The following IFT43 variants were observed in gnomAD, a reference collection of about 807,000 sequenced individuals.
IFT43 encodes the protein intraflagellar transport protein 43 homolog.
IFT43 carries 33 observed loss-of-function variants against 32.3 expected under a neutral mutation model. The observed-to-expected ratio is 1.02, with a 90% CI of 0.77 to 1.37. The LOEUF is 1.37. Ranked by LOEUF, IFT43 falls within the 40% of genes most tolerant of loss-of-function variation. The probability of loss-of-function intolerance (pLI) is 0.00; values close to 1 mark genes in which losing one functional copy is unlikely to be tolerated. For synonymous variants in IFT43, 93 were observed against 98.2 expected, an observed-to-expected ratio of 0.95 and a Z score of 0.31; for missense variants, 274 against 265.9, an observed-to-expected ratio of 1.03 and a Z score of -0.21.
chr14:75,985,804 C>T lies in IFT43; in HGVS notation c.18C>T (p.Asp6=). 1 of 1,614,200 alleles carries T rather than the reference C, an allele frequency of 6.2e-7. No individual in the cohort carries two copies. Among genetic ancestry groups the T allele is most frequent in the Non-Finnish European group, 8.5e-7 (1 of 1,180,040 alleles). MEDLL[D]LDEELRYSLA... ...CCGCGGAGATGGAGGATTTGCTCGA[C>T]TTGGACGAGGAGCTTCGCTACAGCT... The change falls in exon 1 of 9, where the codon GAC becomes GAT. Residue 6 remains aspartate, a synonymous_variant. Coordinates refer to ENST00000314067, the MANE Select transcript of IFT43 (RefSeq NM_001102564.3).
chr14:75,999,389 A>C (rs1406205773), intron 2 of IFT43, among the ~76,000 whole-genome samples: 2 of 148,528 alleles, frequency 1.3e-5, no homozygotes, highest in Non-Finnish European at 3.0e-5. Flanking sequence ...CGGGCTCCCA[A>C]AGTGTTGGGA....
intron 3 of IFT43, chr14:76,022,597 C>T (rs559828354): frequency 3.1e-5 from 13 of 413,552 alleles, no homozygotes; most frequent in African/African-American, 2.3e-4. Flanking sequence ...AATTTTACAA[C>T]ATTTTCATCA....
chr14:76,033,741 G>T (rs1429794174), intron 3 of IFT43, among the ~76,000 whole-genome samples: 1 of 152,176 alleles, frequency 6.6e-6, no homozygotes, highest in Admixed American at 6.5e-5. Context: ...CAGAGTGGAA[G>T]ATATACTTCC....
intron 5 of IFT43, among the ~76,000 whole-genome samples, chr14:76,068,004 A>G (rs2037255961): frequency 6.6e-6 from 1 of 152,268 alleles, no homozygotes; most frequent in Non-Finnish European, 1.5e-5. Context: ...CTGAAGGAGC[A>G]CAGAACTTTG....
intron 2 of IFT43, among the ~76,000 whole-genome samples, chr14:76,001,858 C>T (rs1049035564): frequency 6.6e-6 from 1 of 152,158 alleles, no homozygotes; most frequent in Admixed American, 6.5e-5. Context: ...CAAAAGGGGA[C>T]TGAACTTATC....
In IFT43 at chr14:76,033,932, C is replaced by T. The variant is rs149164312; in HGVS notation, c.215+11538C>T. Reference sequence around the variant, plus strand: ...ATTATGGTCAGGGAGTGTCTTATAGCGGAGATAGGAGTCAAGCTGGATGAA... The same window carrying T: ...ATTATGGTCAGGGAGTGTCTTATAGTGGAGATAGGAGTCAAGCTGGATGAA... On this transcript the variant is annotated intron_variant, in intron 3 of 8. Transcript: ENST00000314067. Among the ~76,000 whole-genome samples, 5 of 152,210 alleles carry T rather than the reference C, an allele frequency of 3.3e-5. No individual in the cohort carries two copies. The East Asian group carries it at 7.7e-4, about 23-fold the overall frequency.
intron 2 of IFT43, among the ~76,000 whole-genome samples, chr14:75,991,780 T>C (rs2035648809): frequency 6.6e-6 from 1 of 152,160 alleles, no homozygotes; most frequent in Non-Finnish European, 1.5e-5. Flanking sequence ...GTCATTCTGC[T>C]CTTCACCCAA....
chr14:76,044,449 C>T (rs1184801189), intron 3 of IFT43, among the ~76,000 whole-genome samples: 5 of 152,202 alleles, frequency 3.3e-5, no homozygotes, highest in Non-Finnish European at 7.3e-5. Flanking sequence ...GCCACCCTCC[C>T]ATCACCTGAA....
At chr14:76,054,787 T>G (rs1390050315) in intron 3 of IFT43, among the ~76,000 whole-genome samples, 1 of 152,190 alleles carries the variant, frequency 6.6e-6, no homozygotes, top group Non-Finnish European at 1.5e-5. Context: ...GCAGACAGCC[T>G]GTCAGAGGGC....
intron 5 of IFT43, chr14:76,059,639 C>T (rs1474311617): frequency 2.1e-6 from 1 of 484,836 alleles, no homozygotes; most frequent in Non-Finnish European, 3.8e-6. Context: ...CCTTCCCATC[C>T]CACTCCCTCT....
At chr14:76,027,689 A>G (rs2036429328) in intron 3 of IFT43, among the ~76,000 whole-genome samples, 1 of 148,730 alleles carries the variant, frequency 6.7e-6, no homozygotes, top group South Asian at 2.2e-4. Context: ...AGCCTGGGCA[A>G]CAGAGTGAGA....
chr14:76,006,559 T>G (rs1036088230), intron 2 of IFT43, among the ~76,000 whole-genome samples: 5 of 152,168 alleles, frequency 3.3e-5, no homozygotes, highest in Admixed American at 2.0e-4. Flanking sequence ...CCAAGAACAA[T>G]GTAGTAAGTT....
chr14:76,012,935 TG>T (rs1344515971), intron 2 of IFT43, among the ~76,000 whole-genome samples: 3 of 152,238 alleles, frequency 2.0e-5, no homozygotes, highest in Non-Finnish European at 4.4e-5. Context: ...CTCTTCTTTC[TG>T]GCTTTTAAGT....
rs2036681340 is a variant in IFT43, at chr14:76,040,202, GGCCTCTCAAAGTAC to G, written c.215+17809_215+17822del. ...ACTCCTGGGCTCAAGCCAGTACTTT[GGCCTCTCAAAGTAC>G]TGGGATTACAGGTGTGAGTCACTGT... is the stretch of plus-strand genomic sequence containing the variant. On this transcript the variant is annotated intron_variant, in intron 3 of 8. Coordinates refer to ENST00000314067, the MANE Select transcript of IFT43 (RefSeq NM_001102564.3). Among the ~76,000 whole-genome samples the G allele has an allele frequency of 2.0e-5, 3 of 151,982 alleles. No individual in the cohort carries two copies. In the South Asian group the frequency reaches 6.2e-4, roughly 32 times the overall value.
chr14:76,019,346 A>G (rs574622580), intron 2 of IFT43, among the ~76,000 whole-genome samples: 1 of 149,946 alleles, frequency 6.7e-6, no homozygotes, highest in South Asian at 2.1e-4. Context: ...TTTTTGAATA[A>G]TAGCTTTGCT....
At chr14:76,063,242 C>T (rs888116520) in intron 5 of IFT43, among the ~76,000 whole-genome samples, 5 of 152,172 alleles carry the variant, frequency 3.3e-5, no homozygotes, top group Admixed American at 1.3e-4. Flanking sequence ...ACCCTGAACG[C>T]GCCAGATCTC....
Position 76,011,098 on chromosome 14 carries a change from T to TG in IFT43, c.148-11225dup, listed in dbSNP as rs1464234201. Among the ~76,000 whole-genome samples, 9 of 151,828 alleles carry TG rather than the reference T, an allele frequency of 5.9e-5. No homozygotes were observed. The South Asian group carries it at 6.3e-4, about 11-fold the overall frequency. ...TTATTATTATTATTATTGGTAGAGA[T>TG]GGGGTCTCACTTTGTTGCCCAGGCT... is the stretch of plus-strand genomic sequence containing the variant. On this transcript the variant is annotated intron_variant, in intron 2 of 8. Coordinates refer to ENST00000314067, the MANE Select transcript of IFT43 (RefSeq NM_001102564.3).
At chr14:75,997,936 G>T (rs760157351) in intron 2 of IFT43, among the ~76,000 whole-genome samples, 1 of 152,150 alleles carries the variant, frequency 6.6e-6, no homozygotes, top group Non-Finnish European at 1.5e-5. Context: ...ATGGATACTC[G>T]TTGCACTTAA....
intron 2 of IFT43, among the ~76,000 whole-genome samples, chr14:76,017,354 T>C (rs1430864370): frequency 6.6e-6 from 1 of 152,212 alleles, no homozygotes; most frequent in Non-Finnish European, 1.5e-5. Flanking sequence ...ATCAGATTTA[T>C]TGATTTGCTT....
Sources: gnomAD v4.1 joint callset for allele counts (sites outside exome capture counted in the v4.1 genomes callset) on GRCh38, gnomAD v4.1.1 for gene constraint, MANE v1.5 for transcripts, NCBI Gene and HGNC (gene_info 2026-07-23, HGNC 2026-07-21) for gene names.